Variants in NR2F1-AS1 observed in about 807,000 individuals in gnomAD.
NR2F1-AS1 encodes the protein NR2F1 regulatory antisense RNA 1.
chr5:93,456,691 G>C (rs1380396779), intron 4 of NR2F1-AS1, among the ~76,000 whole-genome samples: 1 of 151,110 alleles, frequency 6.6e-6, no homozygotes, highest in Non-Finnish European at 1.5e-5. Context: ...AAGAAAAGTG[G>C]GCCCAGGGAA....
chr5:93,422,197 C>G (rs766049569), intron 4 of NR2F1-AS1: 1 of 152,244 alleles, frequency 6.6e-6, no homozygotes, highest in Non-Finnish European at 1.5e-5. Context: ...TTCAGATTTC[C>G]CCACATCAAA....
chr5:93,556,209 C>T (rs967665066), intron 2 of NR2F1-AS1, among the ~76,000 whole-genome samples: 1 of 152,170 alleles, frequency 6.6e-6, no homozygotes, highest in African/African-American at 2.4e-5. Flanking sequence ...ACACGCATTA[C>T]CTGCTCCATA....
chr5:93,517,559 T>C (rs1423005890), intron 4 of NR2F1-AS1, among the ~76,000 whole-genome samples: 2 of 152,054 alleles, frequency 1.3e-5, no homozygotes, highest in African/African-American at 4.8e-5. Context: ...TACATTGTAT[T>C]AGATATTTCA....
chr5:93,508,546 A>C (rs1751233136), intron 4 of NR2F1-AS1, among the ~76,000 whole-genome samples: 1 of 152,148 alleles, frequency 6.6e-6, no homozygotes, highest in Non-Finnish European at 1.5e-5. Context: ...TATGACATCA[A>C]AATAGGAAAA....
At chr5:93,488,795 A>G (rs1279159487) in intron 4 of NR2F1-AS1, among the ~76,000 whole-genome samples, 1 of 152,252 alleles carries the variant, frequency 6.6e-6, no homozygotes, top group Non-Finnish European at 1.5e-5. Flanking sequence ...AGACACATGC[A>G]CACATATGTT....
chr5:93,509,323 T>C (rs896578000), intron 4 of NR2F1-AS1, among the ~76,000 whole-genome samples: 8 of 152,096 alleles, frequency 5.3e-5, no homozygotes, highest in Admixed American at 3.9e-4. Flanking sequence ...AGTATCTGCA[T>C]TGTCTAATAC....
intron 4 of NR2F1-AS1, among the ~76,000 whole-genome samples, chr5:93,477,619 C>T (rs1040085700): frequency 1.3e-5 from 2 of 152,146 alleles, no homozygotes; most frequent in Non-Finnish European, 2.9e-5. Context: ...CACTTTGCCA[C>T]TTTTATTCAC....
chr5:93,581,908 GTCTC>G (rs368238145), upstream of NR2F1-AS1, among the ~76,000 whole-genome samples: 113 of 39,668 alleles, frequency 2.8e-3, 3 homozygotes, highest in African/African-American at 5.1e-3. Context: ...CTCTCTCTGG[GTCTC>G]TCTCTCTCTC....
At chr5:93,566,687 T>C (rs1228989786) in intron 1 of NR2F1-AS1, among the ~76,000 whole-genome samples, 1 of 151,786 alleles carries the variant, frequency 6.6e-6, no homozygotes, top group Non-Finnish European at 1.5e-5. Context: ...GGGCAATCAA[T>C]ATCAAGAACC....
chr5:93,464,590 T>C (rs1750184368), intron 4 of NR2F1-AS1, among the ~76,000 whole-genome samples: 2 of 152,306 alleles, frequency 1.3e-5, no homozygotes, highest in Admixed American at 1.3e-4. Flanking sequence ...AATGTTGCAA[T>C]TACCTAAGAA....
intron 4 of NR2F1-AS1, among the ~76,000 whole-genome samples, chr5:93,512,884 T>C (rs1045816828): frequency 2.6e-5 from 4 of 152,166 alleles, no homozygotes; most frequent in African/African-American, 9.6e-5. Context: ...GTAAGTATAC[T>C]CTATGCTGTT....
At chr5:93,498,229 A>G (rs1376065953) in intron 4 of NR2F1-AS1, among the ~76,000 whole-genome samples, 2 of 152,038 alleles carry the variant, frequency 1.3e-5, no homozygotes, top group African/African-American at 4.8e-5. Flanking sequence ...GATAATAATA[A>G]TAATAATATA....
chr5:93,432,066 T>C (rs1158947682), intron 4 of NR2F1-AS1, among the ~76,000 whole-genome samples: 1 of 152,218 alleles, frequency 6.6e-6, no homozygotes, highest in East Asian at 1.9e-4. Flanking sequence ...ATAGACTATA[T>C]GCATGTATAC....
intron 1 of NR2F1-AS1, chr5:93,570,102 C>T (rs975209942): frequency 6.6e-6 from 1 of 152,184 alleles, no homozygotes; most frequent in African/African-American, 2.4e-5. Flanking sequence ...CTTAAGATAA[C>T]AGTCTCCCAA....
chr5:93,426,547 G>A (rs867321529), intron 4 of NR2F1-AS1, among the ~76,000 whole-genome samples: 1 of 152,134 alleles, frequency 6.6e-6, no homozygotes, highest in Admixed American at 6.6e-5. Flanking sequence ...GTGTGATACT[G>A]ACAATTCATT....
intron 4 of NR2F1-AS1, among the ~76,000 whole-genome samples, chr5:93,481,169 GA>G (rs1036645330): frequency 6.6e-6 from 1 of 151,558 alleles, no homozygotes; most frequent in Non-Finnish European, 1.5e-5. Context: ...TGAAAGGATA[GA>G]AAAAAATATT....
chr5:93,517,824 T>C (rs1751427396), intron 4 of NR2F1-AS1, among the ~76,000 whole-genome samples: 6 of 152,146 alleles, frequency 3.9e-5, no homozygotes, highest in Admixed American at 3.9e-4. Flanking sequence ...TTTTATGCCA[T>C]ATTCTAGGGA....
At chr5:93,545,588 C>A (rs1462821217) in intron 4 of NR2F1-AS1, among the ~76,000 whole-genome samples, 2 of 152,176 alleles carry the variant, frequency 1.3e-5, no homozygotes, top group Non-Finnish European at 2.9e-5. Context: ...GGGCATTAAT[C>A]CACACTTTTG....
At chr5:93,430,921 G>T (rs1269673802) in intron 4 of NR2F1-AS1, among the ~76,000 whole-genome samples, 1 of 149,034 alleles carries the variant, frequency 6.7e-6, no homozygotes, top group Non-Finnish European at 1.5e-5. Flanking sequence ...GAGCCATCCA[G>T]TGTGCCTGCC....
Sources: gnomAD v4.1 joint callset for allele counts (sites outside exome capture counted in the v4.1 genomes callset) on GRCh38, gnomAD v4.1.1 for gene constraint, MANE v1.5 for transcripts, NCBI Gene and HGNC (gene_info 2026-07-23, HGNC 2026-07-21) for gene names.